Variants in SGCZ observed in about 807,000 individuals in gnomAD.
SGCZ encodes zeta-sarcoglycan.
A neutral mutation model predicts 41.3 loss-of-function variants in SGCZ; 40 were observed. That is an observed-to-expected ratio of 0.97 (90% confidence interval 0.75 to 1.26). The LOEUF is 1.26. Ranked by LOEUF, SGCZ falls within the 50% of genes most tolerant of loss-of-function variation. The pLI is 0.00. For synonymous variants in SGCZ, 206 were observed against 137.5 expected (o/e 1.50, Z -3.49); for missense variants, 552 against 369.8 (o/e 1.49, Z -4.04).
At chr8:14,111,175 C>T (rs1802360236) in intron 5 of SGCZ, among the ~76,000 whole-genome samples, 1 of 152,062 alleles carries the variant, frequency 6.6e-6, no homozygotes, top group South Asian at 2.1e-4. Flanking sequence ...TAATATATGA[C>T]ACTGAGCTCA....
chr8:14,889,797 T>C lies in SGCZ; in HGVS notation c.40-334871A>G, dbSNP rs138900954. Among the ~76,000 whole-genome samples the C allele has an allele frequency of 1.1e-3, 160 of 152,280 alleles. 1 individual carries two copies. The East Asian group carries it at 0.015, about 15-fold the overall frequency. On this transcript the variant is annotated intron_variant, in intron 1 of 7. Transcript: ENST00000382080. ...TTTAAATATATTTTATTTTACAATA[T>C]TGCATATTTTAAATATGCAAGTCAC...
intron 7 of SGCZ, among the ~76,000 whole-genome samples, chr8:14,102,105 A>ATATATAAT (rs1802047693): frequency 1.1e-4 from 5 of 43,860 alleles, no homozygotes; most frequent in African/African-American, 5.2e-4. Context: ...TATATATATA[A>ATATATAAT]TTTTTTTTTT....
intron 3 of SGCZ, among the ~76,000 whole-genome samples, chr8:14,244,414 A>G (rs1445394034): frequency 6.6e-6 from 1 of 152,110 alleles, no homozygotes; most frequent in African/African-American, 2.4e-5. Flanking sequence ...TTAATACTTG[A>G]CCCACTGAAG....
At chr8:14,696,594 C>T (rs955438585) in intron 1 of SGCZ, among the ~76,000 whole-genome samples, 1 of 152,018 alleles carries the variant, frequency 6.6e-6, no homozygotes, top group Non-Finnish European at 1.5e-5. Context: ...TTTTGATGGC[C>T]TTTTATTTTC....
chr8:14,429,820 C>T (rs1799892472), intron 2 of SGCZ, among the ~76,000 whole-genome samples: 1 of 151,698 alleles, frequency 6.6e-6, no homozygotes, highest in African/African-American at 2.4e-5. Context: ...TTATTTATTG[C>T]CATTTCAATC....
intron 3 of SGCZ, among the ~76,000 whole-genome samples, chr8:14,318,599 C>T (rs957433309): frequency 2.0e-5 from 3 of 151,808 alleles, no homozygotes; most frequent in Non-Finnish European, 4.4e-5. Flanking sequence ...GCACTGTGTA[C>T]ACCATTGGAA....
intron 2 of SGCZ, among the ~76,000 whole-genome samples, chr8:14,479,740 T>TTTTTTCTTTTTC (rs1554524339): frequency 1.5e-5 from 1 of 66,326 alleles, no homozygotes; most frequent in African/African-American, 8.9e-5. Context: ...TCTTTTTTTT[T>TTTTTTCTTTTTC]TTTTTTTTTT....
chr8:14,565,867 A>T (rs1264028482), intron 1 of SGCZ, among the ~76,000 whole-genome samples: 3 of 152,158 alleles, frequency 2.0e-5, no homozygotes, highest in African/African-American at 7.2e-5. Flanking sequence ...TCTTGCAAAC[A>T]ATTTTCAAAA....
At chr8:14,883,776 G>GTTTTTTTTTT (rs1233614779) in intron 1 of SGCZ, among the ~76,000 whole-genome samples, 2 of 86,034 alleles carry the variant, frequency 2.3e-5, no homozygotes, top group African/African-American at 4.4e-5. Context: ...GCATCCTGTT[G>GTTTTTTTTTT]TTTTTTTTTT....
chr8:14,279,816 G>T (rs1800360167), intron 3 of SGCZ, among the ~76,000 whole-genome samples: 1 of 151,084 alleles, frequency 6.6e-6, no homozygotes, highest in South Asian at 2.1e-4. Flanking sequence ...TTTATAATCT[G>T]GATCCTCATG....
chr8:15,075,367 G>C (rs1203226546), intron 1 of SGCZ, among the ~76,000 whole-genome samples: 2 of 152,044 alleles, frequency 1.3e-5, no homozygotes, highest in East Asian at 3.9e-4. Flanking sequence ...TTTTTAAAAT[G>C]CCCTGACATT....
chr8:14,763,987 G>C (rs1424252465), intron 1 of SGCZ, among the ~76,000 whole-genome samples: 2 of 152,186 alleles, frequency 1.3e-5, no homozygotes, highest in South Asian at 2.1e-4. Flanking sequence ...GTTCAGATGG[G>C]AGTTTCTAAA....
chr8:15,077,992 T>C (rs1256004795), intron 1 of SGCZ, among the ~76,000 whole-genome samples: 2 of 90,680 alleles, frequency 2.2e-5, no homozygotes, highest in Admixed American at 2.7e-4. Flanking sequence ...TGCTTGGGCA[T>C]ACCCACACTG....
intron 1 of SGCZ, among the ~76,000 whole-genome samples, chr8:14,741,353 C>T (rs1394101246): frequency 6.6e-6 from 1 of 152,042 alleles, no homozygotes; most frequent in Non-Finnish European, 1.5e-5. Context: ...TTTGCATTTA[C>T]AGTAGATCCT....
intron 1 of SGCZ, among the ~76,000 whole-genome samples, chr8:15,019,294 T>G (rs1012412448): frequency 4.6e-5 from 7 of 152,062 alleles, no homozygotes; most frequent in African/African-American, 1.7e-4. Context: ...TGGAAGAATT[T>G]GGAATATGTC....
At chr8:15,027,102 CT>C (rs1803486448) in intron 1 of SGCZ, among the ~76,000 whole-genome samples, 1 of 152,180 alleles carries the variant, frequency 6.6e-6, no homozygotes, top group African/African-American at 2.4e-5. Flanking sequence ...AATATGGCAG[CT>C]TTCTCAGACC....
At chr8:14,521,809 T>C (rs1014416513) in intron 2 of SGCZ, among the ~76,000 whole-genome samples, 1 of 152,106 alleles carries the variant, frequency 6.6e-6, no homozygotes, top group African/African-American at 2.4e-5. Flanking sequence ...ATAAGAGTGA[T>C]GAGAGTAGTT....
chr8:14,261,765 T>C (rs1003902329), intron 3 of SGCZ, among the ~76,000 whole-genome samples: 2 of 152,158 alleles, frequency 1.3e-5, no homozygotes, highest in Non-Finnish European at 2.9e-5. Flanking sequence ...ACTCCATAAA[T>C]ACCCAATAAA....
At chr8:15,098,611 G>A (rs1309906653) in intron 1 of SGCZ, among the ~76,000 whole-genome samples, 1 of 152,114 alleles carries the variant, frequency 6.6e-6, no homozygotes, top group East Asian at 1.9e-4. Flanking sequence ...TGCTTTACTT[G>A]TTTTGAGGTT....
Sources: gnomAD v4.1 joint callset for allele counts (sites outside exome capture counted in the v4.1 genomes callset) on GRCh38, gnomAD v4.1.1 for gene constraint, MANE v1.5 for transcripts, NCBI Gene and HGNC (gene_info 2026-07-23, HGNC 2026-07-21) for gene names.